Variants in STAG1 observed in about 807,000 individuals in gnomAD.
STAG1 encodes the protein STAG1 cohesin complex component, also known as cohesin subunit SA-1.
Under a neutral mutation model 170.9 loss-of-function variants are expected in STAG1, and 26 were observed. The observed-to-expected ratio is 0.15, with a 90% confidence interval of 0.11 to 0.21. The LOEUF (loss-of-function observed/expected upper bound fraction) is 0.21, where lower values mean the gene tolerates loss of function less well. STAG1 is among the 10% of genes least tolerant of loss of function. The probability of loss-of-function intolerance (pLI) is 1.00; values close to 1 mark genes in which losing one functional copy is unlikely to be tolerated. For missense variants in STAG1, 964 were observed against 1,509.5 expected, an observed-to-expected ratio of 0.64 and a Z score of 5.99; for synonymous variants, 514 against 497.7, an observed-to-expected ratio of 1.03 and a Z score of -0.44.
intron 1 of STAG1, among the ~76,000 whole-genome samples, chr3:136,710,553 A>G (rs1034422528): frequency 2.0e-5 from 3 of 152,124 alleles, no homozygotes; most frequent in African/African-American, 7.2e-5. Context: ...TTTTTACTTC[A>G]CTTCCACTGA....
intron 28 of STAG1, among the ~76,000 whole-genome samples, chr3:136,350,668 G>A (rs1936401826): frequency 6.6e-6 from 1 of 152,182 alleles, no homozygotes; most frequent in Non-Finnish European, 1.5e-5. Context: ...CCCCATTTCA[G>A]TGGCATAAAA....
chr3:136,522,491 C>T (rs183637111), intron 6 of STAG1, among the ~76,000 whole-genome samples: 75 of 152,246 alleles, frequency 4.9e-4, no homozygotes, highest in Non-Finnish European at 3.2e-4. Context: ...CTACCTGCTG[C>T]TTCTATATCA....
In STAG1 at chr3:136,343,836, G is replaced by T. The variant is rs1350956822; in HGVS notation, c.3442C>A (p.His1148Asn). 12 of 1,539,656 alleles carry T rather than the reference G, an allele frequency of 7.8e-6. No individual in the cohort carries two copies. ...AGACAAATTTTTGCTACTTACTTGT[G>T]TAAAAAGTCTGGTTCAGAACCATGT... ...SEHGSEPDFL[H>N]NPQMQISWLG... Residue 1148 changes from histidine (H) to asparagine (N), a missense_variant, in exon 30 of 34, where the codon CAC becomes AAC. By Grantham distance (68) the His-to-Asn change is moderately conservative (BLOSUM62 1). Coordinates refer to ENST00000383202, the MANE Select transcript of STAG1 (RefSeq NM_005862.3).
intron 1 of STAG1, among the ~76,000 whole-genome samples, chr3:136,710,787 C>CA (rs570836999): frequency 6.1e-4 from 89 of 145,556 alleles, no homozygotes; most frequent in Admixed American, 3.0e-3. Flanking sequence ...GTCCCCCTAC[C>CA]AAAAAAAAAA....
At chr3:136,496,525 C>T (rs1196834887) in intron 9 of STAG1, among the ~76,000 whole-genome samples, 1 of 152,000 alleles carries the variant, frequency 6.6e-6, no homozygotes, top group Non-Finnish European at 1.5e-5. Flanking sequence ...AATATCTGCA[C>T]ACTAAATGCC....
At chr3:136,368,988 G>T in intron 24 of STAG1, 120 bp downstream of exon 24, 2 of 972,186 alleles carry the variant, frequency 2.1e-6, no homozygotes, top group Non-Finnish European at 2.8e-6. Context: ...ACTGCACCTG[G>T]CCAACTTTTT....
At chr3:136,521,973 C>T (rs899723553) in intron 6 of STAG1, among the ~76,000 whole-genome samples, 4 of 152,212 alleles carry the variant, frequency 2.6e-5, no homozygotes, top group Non-Finnish European at 5.9e-5. Context: ...ATACACTGGA[C>T]TGATTAAGTT....
At chr3:136,351,714 T>C (rs574634551) in intron 28 of STAG1, among the ~76,000 whole-genome samples, 1 of 152,292 alleles carries the variant, frequency 6.6e-6, no homozygotes, top group South Asian at 2.1e-4. Context: ...GTCTGAAGAC[T>C]GCACACCCAA....
At chr3:136,677,217 C>G (rs1942153650) in intron 1 of STAG1, among the ~76,000 whole-genome samples, 1 of 152,040 alleles carries the variant, frequency 6.6e-6, no homozygotes, top group Non-Finnish European at 1.5e-5. Context: ...GTATACGTCC[C>G]ATACTTTTAT....
intron 21 of STAG1, among the ~76,000 whole-genome samples, chr3:136,412,114 CA>C (rs1490855066): frequency 1.3e-5 from 2 of 151,316 alleles, no homozygotes; most frequent in Admixed American, 1.3e-4. Flanking sequence ...ATTTGAGAAC[CA>C]AAATAAAAAA....
rs534479656 is a variant in STAG1, at chr3:136,370,899, T to C, written c.2371-1617A>G. On this transcript the variant is annotated intron_variant, in intron 23 of 33. Coordinates refer to ENST00000383202, the MANE Select transcript of STAG1 (RefSeq NM_005862.3). ...CCAGTAATGGGATGGCTGAGTCAAA[T>C]GGTATGTCTAGTTCTAGATTCCTGA... is the stretch of plus-strand genomic sequence containing the variant. Among the ~76,000 whole-genome samples, 14 of 152,338 alleles carry C rather than the reference T, an allele frequency of 9.2e-5. No individual in the cohort carries two copies. In the South Asian group the frequency reaches 2.9e-3, roughly 32 times the overall value.
At chr3:136,458,193 G>A (rs746375386) in intron 13 of STAG1, among the ~76,000 whole-genome samples, 3 of 151,942 alleles carry the variant, frequency 2.0e-5, no homozygotes, top group African/African-American at 4.8e-5. Flanking sequence ...GTCTTGCTCT[G>A]TCACCTAGGC....
intron 1 of STAG1, among the ~76,000 whole-genome samples, chr3:136,751,910 G>A (rs1418222187): frequency 1.3e-5 from 2 of 150,824 alleles, no homozygotes; most frequent in Non-Finnish European, 3.0e-5. Context: ...AAAATTTTTG[G>A]TGCCCGCGGG....
intron 1 of STAG1, among the ~76,000 whole-genome samples, chr3:136,659,915 A>G (rs757322359): frequency 1.3e-5 from 2 of 152,210 alleles, no homozygotes; most frequent in African/African-American, 2.4e-5. Context: ...ATGATAGTTC[A>G]TATCTGTAAT....
chr3:136,606,404 G>A (rs778128430), intron 3 of STAG1, among the ~76,000 whole-genome samples: 3 of 152,136 alleles, frequency 2.0e-5, no homozygotes, highest in Non-Finnish European at 4.4e-5. Flanking sequence ...GGCCATGCTG[G>A]TCTTGAACTC....
intron 23 of STAG1, among the ~76,000 whole-genome samples, chr3:136,374,725 AAG>A (rs1031187226): frequency 2.4e-4 from 36 of 152,160 alleles, no homozygotes; most frequent in Admixed American, 1.1e-3. Context: ...TACAAAGAAA[AAG>A]AATTATAGTA....
chr3:136,716,022 T>C (rs190178981), intron 1 of STAG1, among the ~76,000 whole-genome samples: 22 of 152,180 alleles, frequency 1.4e-4, no homozygotes, highest in African/African-American at 5.3e-4. Flanking sequence ...TGCTTGAACC[T>C]GGGAGGTGGA....
chr3:136,629,047 A>T (rs1940219947), intron 2 of STAG1, among the ~76,000 whole-genome samples: 1 of 152,242 alleles, frequency 6.6e-6, no homozygotes, highest in African/African-American at 2.4e-5. Flanking sequence ...CTCCCAGATC[A>T]CCACTGTCCA....
At chr3:136,445,019 C>T (rs1317403335) in intron 14 of STAG1, among the ~76,000 whole-genome samples, 3 of 148,184 alleles carry the variant, frequency 2.0e-5, no homozygotes, top group Non-Finnish European at 4.5e-5. Context: ...TGCTACCCCG[C>T]CTGGCTTTTT....
Sources: allele counts gnomAD v4.1 joint callset (sites outside exome capture counted in the v4.1 genomes callset), GRCh38; gene constraint gnomAD v4.1.1; transcripts MANE v1.5; gene names NCBI Gene and HGNC (gene_info 2026-07-23, HGNC 2026-07-21).